FSTL4: variants seen among roughly 807,000 people sequenced by gnomAD.
FSTL4 encodes follistatin like 4, also known as follistatin-related protein 4.
FSTL4 carries 28 observed loss-of-function variants against 78.2 expected under a neutral mutation model. The ratio of observed to expected loss-of-function variants is 0.36; its 90% CI spans 0.27 to 0.49. FSTL4 has a LOEUF of 0.49. Ranked by LOEUF, FSTL4 falls within the 20% of genes least tolerant of loss-of-function variation. FSTL4 has a pLI of 0.98. For synonymous variants in FSTL4, 422 were observed against 440.5 expected (o/e 0.96, Z 0.53); for missense variants, 922 against 1,084.9 (o/e 0.85, Z 2.11).
At chr5:133,274,377 G>A (rs1182334369) in intron 6 of FSTL4, among the ~76,000 whole-genome samples, 1 of 2,546 alleles carries the variant, frequency 3.9e-4, no homozygotes, top group Non-Finnish European at 6.7e-4. Flanking sequence ...AGGGCAATCT[G>A]TGCTTTTTTT....
chr5:133,713,075 AT>A, the FSTL4 span, among the ~76,000 whole-genome samples: 2 of 152,230 alleles, frequency 1.3e-5, no homozygotes. Flanking sequence ...TTATCCTAGG[AT>A]AACAGGTACC....
the FSTL4 span, among the ~76,000 whole-genome samples, chr5:133,764,411 G>A: frequency 1.3e-5 from 2 of 152,148 alleles, no homozygotes; most frequent in African/African-American, 4.8e-5. Context: ...TTCCAGGAGT[G>A]GGAACCTGGG....
At chr5:133,701,954 G>T in the FSTL4 span, among the ~76,000 whole-genome samples, 1 of 152,016 alleles carries the variant, frequency 6.6e-6, no homozygotes, top group Non-Finnish European at 1.5e-5. Context: ...ATGTCCTGGC[G>T]CCCAGGAAAT....
chr5:133,439,394 C>T (rs1757103233), intron 3 of FSTL4, among the ~76,000 whole-genome samples: 1 of 152,186 alleles, frequency 6.6e-6, no homozygotes, highest in African/African-American at 2.4e-5. Flanking sequence ...TCAATCAGGA[C>T]AAAAGCTATT....
At chr5:133,290,039 G>A (rs1055465745) in intron 6 of FSTL4, among the ~76,000 whole-genome samples, 16 of 152,172 alleles carry the variant, frequency 1.1e-4, no homozygotes, top group African/African-American at 3.9e-4. Context: ...CTCCATCCCC[G>A]AGAGAGTGGC....
chr5:133,827,436 T>C, the FSTL4 span, among the ~76,000 whole-genome samples: 1 of 152,088 alleles, frequency 6.6e-6, no homozygotes, highest in South Asian at 2.1e-4. Flanking sequence ...ACACTGCCCC[T>C]GAGCTCAGCT....
intron 3 of FSTL4, among the ~76,000 whole-genome samples, chr5:133,537,829 CATAT>C (rs1434693343): frequency 6.6e-6 from 1 of 151,630 alleles, no homozygotes; most frequent in East Asian, 1.9e-4. Context: ...GAGACACACA[CATAT>C]ATAGTGTGTG....
At chr5:133,324,674 C>T (rs887895413) in intron 4 of FSTL4, among the ~76,000 whole-genome samples, 3 of 152,228 alleles carry the variant, frequency 2.0e-5, no homozygotes, top group African/African-American at 7.2e-5. Context: ...GCCCAGCATC[C>T]ACACATAGAA....
intron 3 of FSTL4, among the ~76,000 whole-genome samples, chr5:133,565,634 C>T (rs566489597): frequency 5.3e-4 from 81 of 152,150 alleles, no homozygotes; most frequent in Non-Finnish European, 1.0e-3. Context: ...TGGAGTGCAG[C>T]CTGACTACAC....
chr5:133,507,647 C>G, intron 3 of FSTL4, among the ~76,000 whole-genome samples: 1 of 151,720 alleles, frequency 6.6e-6, no homozygotes, highest in Non-Finnish European at 1.5e-5. Flanking sequence ...CTCAGCCTCC[C>G]AAGTAGCTGG....
At chr5:133,792,275 T>TA in the FSTL4 span, among the ~76,000 whole-genome samples, 1 of 151,524 alleles carries the variant, frequency 6.6e-6, no homozygotes, top group East Asian at 1.9e-4. Flanking sequence ...CCATGAAAAA[T>TA]ACTGTGCATT....
Position 133,303,729 on chromosome 5 carries a change from G to A in FSTL4, c.727+8925C>T, listed in dbSNP as rs182945423. Among the ~76,000 whole-genome samples the A allele has an allele frequency of 1.5e-3, 228 of 152,332 alleles. 3 individuals carry two copies. The highest frequency in any genetic ancestry group is 1.4e-3 in the Admixed American group (21 of 15,308). ...AACAGGTGACCAGAGAGGAAGGAAAGAGCAACAAGCTAGAGAACTGGTGAT... is the reference window on the plus strand; with the variant it reads ...AACAGGTGACCAGAGAGGAAGGAAAAAGCAACAAGCTAGAGAACTGGTGAT... On this transcript the variant is annotated intron_variant, in intron 6 of 15. Coordinates refer to ENST00000265342, the MANE Select transcript of FSTL4 (RefSeq NM_015082.2).
At chr5:133,647,851 T>C in the FSTL4 span, among the ~76,000 whole-genome samples, 8 of 152,176 alleles carry the variant, frequency 5.3e-5, no homozygotes, top group African/African-American at 1.9e-4. Flanking sequence ...TTTGGCTGTG[T>C]CCCCATCCAA....
chr5:133,312,834 T>C (rs1000812638), intron 5 of FSTL4, 57 bp from the exon 6 acceptor site: 4 of 1,584,500 alleles, frequency 2.5e-6, no homozygotes, highest in Non-Finnish European at 3.5e-6. Flanking sequence ...GTCATAGGCA[T>C]TGATGAAAAT....
chr5:133,841,176 G>T, the FSTL4 span, among the ~76,000 whole-genome samples: 1 of 152,194 alleles, frequency 6.6e-6, no homozygotes, highest in African/African-American at 2.4e-5. Context: ...TGGGATGGGG[G>T]CATCTTCAAG....
chr5:133,271,006 T>C (rs1752755237), intron 6 of FSTL4, among the ~76,000 whole-genome samples: 1 of 152,200 alleles, frequency 6.6e-6, no homozygotes. Flanking sequence ...TAAGTTGGAG[T>C]TCAGTTAGAG....
At chr5:133,687,139 G>A in the FSTL4 span, among the ~76,000 whole-genome samples, 2 of 152,190 alleles carry the variant, frequency 1.3e-5, no homozygotes, top group Non-Finnish European at 1.5e-5. Flanking sequence ...TGGGACTGAG[G>A]ACCCCACATG....
intron 3 of FSTL4, among the ~76,000 whole-genome samples, chr5:133,483,630 C>T (rs1317427790): frequency 6.6e-6 from 1 of 152,230 alleles, no homozygotes; most frequent in East Asian, 1.9e-4. Flanking sequence ...AGGTCATGAT[C>T]CAGCCTTTTC....
intron 8 of FSTL4, among the ~76,000 whole-genome samples, chr5:133,231,916 A>G (rs1424394533): frequency 6.6e-6 from 1 of 152,204 alleles, no homozygotes; most frequent in Non-Finnish European, 1.5e-5. Context: ...TCTTTGGGAA[A>G]CACCGACCAT....
Sources: allele counts gnomAD v4.1 joint callset (sites outside exome capture counted in the v4.1 genomes callset), GRCh38; gene constraint gnomAD v4.1.1; transcripts MANE v1.5; gene names NCBI Gene and HGNC (gene_info 2026-07-23, HGNC 2026-07-21).